The following HIVEP3 variants were observed in gnomAD, a reference collection of about 807,000 sequenced individuals.
HIVEP3 encodes the protein HIVEP zinc finger 3.
HIVEP3 carries 49 observed loss-of-function variants against 152.8 expected under a neutral mutation model. That is an observed-to-expected ratio of 0.32 (90% CI 0.26 to 0.41). The LOEUF (loss-of-function observed/expected upper bound fraction) is 0.41. Among genes scored for constraint, HIVEP3 ranks in the 10% least tolerant of loss-of-function variants. HIVEP3 has a pLI of 1.00. For missense variants in HIVEP3, 2,790 were observed against 3,103.3 expected (o/e 0.90, Z 2.40); for synonymous variants, 1,269 against 1,289.0 (o/e 0.98, Z 0.33).
chr1:41,713,571 T>C (rs1392717960), intron 1 of HIVEP3, among the ~76,000 whole-genome samples: 2 of 152,208 alleles, frequency 1.3e-5, no homozygotes, highest in African/African-American at 2.4e-5. Context: ...CAAAATTATA[T>C]GGTGATTTTA....
At chr1:41,794,380 G>A (rs1649867211) in intron 1 of HIVEP3, among the ~76,000 whole-genome samples, 1 of 152,216 alleles carries the variant, frequency 6.6e-6, no homozygotes, top group African/African-American at 2.4e-5. Flanking sequence ...GTGAGTTTGA[G>A]TGGGAACACA....
At chr1:41,931,814 C>T (rs896200434) in intron 1 of HIVEP3, among the ~76,000 whole-genome samples, 1 of 151,988 alleles carries the variant, frequency 6.6e-6, no homozygotes, top group Admixed American at 6.6e-5. Flanking sequence ...TATCTTGCAA[C>T]CTTACTAAAC....
At chr1:41,571,893 G>A (rs1252141292) in intron 5 of HIVEP3, among the ~76,000 whole-genome samples, 1 of 152,198 alleles carries the variant, frequency 6.6e-6, no homozygotes, top group East Asian at 1.9e-4. Flanking sequence ...ATCATGTTTA[G>A]TGATGCTCAG....
intron 1 of HIVEP3, among the ~76,000 whole-genome samples, chr1:41,731,476 AG>A (rs1309674446): frequency 6.6e-6 from 1 of 152,226 alleles, no homozygotes; most frequent in East Asian, 1.9e-4. Flanking sequence ...CTCATCTCTG[AG>A]TATTCACACT....
In HIVEP3 at chr1:41,581,978, C is replaced by G; in HGVS notation, c.2820G>C (p.Leu940Phe). The change falls in exon 4 of 9, where the codon TTG becomes TTC. Residue 940 changes from leucine to phenylalanine, a missense_variant. Leu to Phe is a conservative substitution (Grantham distance 22, BLOSUM62 0). Coordinates refer to ENST00000372583, the MANE Select transcript of HIVEP3 (RefSeq NM_024503.5). This position sits in a 1 kb window ranked among gnomAD's most constrained non-coding sequence, Gnocchi z 4.5. ...RSPSQESNVS[L>F]SGSSRSASFE... ...ACGAGGCTGAGCGGCTGGACCCACT[C>G]AAAGAGACATTGCTTTCCTGGCTCG... is the stretch of plus-strand genomic sequence containing the variant. The G allele has an allele frequency of 1.9e-6, 3 of 1,614,152 alleles. No homozygotes were observed. The highest frequency in any genetic ancestry group is 2.5e-6 in the Non-Finnish European group (3 of 1,180,020).
chr1:41,944,760 A>T (rs1353469249), intron 1 of HIVEP3, among the ~76,000 whole-genome samples: 2 of 152,224 alleles, frequency 1.3e-5, no homozygotes, highest in Non-Finnish European at 2.9e-5. Flanking sequence ...AGGAAAAAGC[A>T]TTAGGACCAT....
At chr1:41,640,009 A>C (rs1189996543) in intron 2 of HIVEP3, among the ~76,000 whole-genome samples, 1 of 152,210 alleles carries the variant, frequency 6.6e-6, no homozygotes, top group Non-Finnish European at 1.5e-5. Context: ...AAGGAGCAAA[A>C]AAGAAGAACT....
At chr1:42,016,914 T>C (rs1395045367) in intron 1 of HIVEP3, among the ~76,000 whole-genome samples, 5 of 152,138 alleles carry the variant, frequency 3.3e-5, no homozygotes, top group African/African-American at 9.7e-5. Flanking sequence ...TAAGATAAAA[T>C]TCCTAGAAAT....
rs1480863881 is a variant in HIVEP3, at chr1:41,581,524, C to T, written c.3274G>A (p.Ala1092Thr). 6.3e-7 allele frequency: 1 copy of T among 1,589,254 alleles called. No individual in the cohort carries two copies. The highest frequency in any genetic ancestry group is 8.6e-7 in the Non-Finnish European group (1 of 1,167,988). The change falls in exon 4 of 9, where the codon GCC becomes ACC. Residue 1092 changes from alanine (A) to threonine (T), a missense_variant. Ala to Thr is a moderately conservative substitution (Grantham distance 58). This residue lies in a region of HIVEP3 where 1,078 missense variants were observed against 1,165.3 expected (regional missense o/e 0.93). Coordinates refer to ENST00000372583, the MANE Select transcript of HIVEP3 (RefSeq NM_024503.5). The surrounding 1 kb of genome is among the most constrained non-coding windows in gnomAD (Gnocchi z 4.5). ...CCCGGGGGTCCACCATGTGAGGTGG[C>T]CGCAGAGGAAATCTGGGACAATGAG... ...KSSLSQISSA[A>T]TSHGGPPGGK...
intron 5 of HIVEP3, among the ~76,000 whole-genome samples, chr1:41,531,893 T>C (rs1643268279): frequency 2.8e-5 from 3 of 107,686 alleles, no homozygotes; most frequent in Non-Finnish European, 5.6e-5. Context: ...ACAGGGGAGA[T>C]GGAGGACAGG....
intron 1 of HIVEP3, among the ~76,000 whole-genome samples, chr1:41,783,446 T>C (rs1025810253): frequency 6.6e-6 from 1 of 152,134 alleles, no homozygotes; most frequent in African/African-American, 2.4e-5. Flanking sequence ...AAATAACCTC[T>C]CCGTGTGCCA....
intron 5 of HIVEP3, among the ~76,000 whole-genome samples, chr1:41,532,328 G>C (rs1643286607): frequency 1.3e-5 from 2 of 151,996 alleles, no homozygotes; most frequent in African/African-American, 4.8e-5. Context: ...AGAGATGGAG[G>C]ACAGGAGAGA....
At chr1:41,902,090 G>T (rs1046539294) in intron 1 of HIVEP3, among the ~76,000 whole-genome samples, 1 of 152,272 alleles carries the variant, frequency 6.6e-6, no homozygotes, top group South Asian at 2.1e-4. Flanking sequence ...GAATGAGCCA[G>T]TGGTGAGGAG....
chr1:41,545,774 C>T (rs1173195797), intron 5 of HIVEP3, among the ~76,000 whole-genome samples: 1 of 145,212 alleles, frequency 6.9e-6, no homozygotes, highest in Non-Finnish European at 1.5e-5. Flanking sequence ...CTACCATCAC[C>T]ACCACCACCA....
At chr1:41,658,577 C>T (rs868805397) in intron 2 of HIVEP3, among the ~76,000 whole-genome samples, 1 of 152,138 alleles carries the variant, frequency 6.6e-6, no homozygotes, top group Admixed American at 6.5e-5. Flanking sequence ...CTCACTTCAC[C>T]CCCCCCATGA....
chr1:41,799,824 C>G (rs978932753), intron 1 of HIVEP3, among the ~76,000 whole-genome samples: 12 of 152,062 alleles, frequency 7.9e-5, no homozygotes, highest in Non-Finnish European at 1.6e-4. Context: ...GCATACAGGT[C>G]TCTTTTCATA....
intron 1 of HIVEP3, among the ~76,000 whole-genome samples, chr1:41,706,592 T>C (rs1646437313): frequency 2.0e-5 from 3 of 152,242 alleles, no homozygotes; most frequent in Non-Finnish European, 1.5e-5. Context: ...GGAATACATG[T>C]ATTTTAAAAA....
intron 4 of HIVEP3, 113 bp from the exon 5 acceptor site, chr1:41,575,802 A>G (rs879351845): frequency 5.2e-6 from 6 of 1,153,088 alleles, no homozygotes; most frequent in Non-Finnish European, 7.4e-6. Context: ...CACATATGCA[A>G]TCTTCACACT....
chr1:41,901,825 CT>C (rs1231384438), intron 1 of HIVEP3, among the ~76,000 whole-genome samples: 1 of 152,198 alleles, frequency 6.6e-6, no homozygotes, highest in African/African-American at 2.4e-5. Context: ...AGCCTATTTC[CT>C]TCACAGCCAT....
Sources: allele counts gnomAD v4.1 joint callset (sites outside exome capture counted in the v4.1 genomes callset), GRCh38; gene constraint gnomAD v4.1.1; regional missense constraint gnomAD v4.1.1; non-coding constraint Gnocchi (gnomAD v3.1); transcripts MANE v1.5; gene names NCBI Gene and HGNC (gene_info 2026-07-23, HGNC 2026-07-21).